DPP3: variants seen among roughly 807,000 people sequenced by gnomAD.
DPP3 encodes DPP III.
A neutral mutation model predicts 89.8 loss-of-function variants in DPP3; 64 were observed. The observed-to-expected ratio is 0.71, with a 90% confidence interval of 0.58 to 0.88. The LOEUF is 0.88. Ranked by LOEUF, DPP3 falls within the 40% of genes least tolerant of loss-of-function variation. DPP3 has a pLI of 0.00. For synonymous variants in DPP3, 377 were observed against 404.3 expected (o/e 0.93, Z 0.81); for missense variants, 835 against 972.5 (o/e 0.86, Z 1.88).
chr11:66,504,619 A>G lies in DPP3; in HGVS notation c.1886A>G (p.Lys629Arg), dbSNP rs1855755493. 2 of 1,609,088 alleles carry G rather than the reference A, an allele frequency of 1.2e-6. No individual in the cohort carries two copies. The highest frequency in any genetic ancestry group is 1.3e-5 in the African/African-American group (1 of 74,768). ...ACTCCATCCTTCTCACAGGTGCTGA[A>G]GTCCACAGGGGATGTGGCCGGAGGG... Reference protein sequence around the residue: ...ERFLRRLQVLKSTGDVAGGRA... With the variant: ...ERFLRRLQVLRSTGDVAGGRA... Residue 629 changes from lysine to arginine, a missense_variant, in exon 17 of 18, where the codon AAG becomes AGG. Coordinates refer to ENST00000531863, the MANE Select transcript of DPP3 (RefSeq NM_130443.4).
Position 66,509,280 on chromosome 11 carries a change from CA to C in DPP3, c.*30del. The C allele has an allele frequency of 6.3e-7, 1 of 1,583,536 alleles. No individual in the cohort carries two copies. Among genetic ancestry groups the C allele is most frequent in the South Asian group, 1.1e-5 (1 of 88,140 alleles). ...AGATGTGTGGCCTTGCCCCCAATTC[CA>C]TCAGACCAAGGCTGCAAGTGGCCCT... is the stretch of plus-strand genomic sequence containing the variant. On this transcript the variant is annotated 3_prime_UTR_variant, in exon 18 of 18. Coordinates refer to ENST00000531863, the MANE Select transcript of DPP3 (RefSeq NM_130443.4).
chr11:66,482,443 T>C lies in DPP3; in HGVS notation c.243T>C (p.Ala81=). Residue 81 remains alanine, a synonymous_variant, in exon 2 of 18, where the codon GCT becomes GCC. Coordinates refer to ENST00000531863, the MANE Select transcript of DPP3 (RefSeq NM_130443.4). ...ACCAGCTGCGCCAACATGCCCTGGC[T>C]GAAGGCCTTACCGAGGAGGAGTATC... ...DPDQLRQHAL[A]EGLTEEEYQA... 6.2e-7 allele frequency: 1 copy of C among 1,607,626 alleles called. No individual in the cohort carries two copies. Among genetic ancestry groups the C allele is most frequent in the Non-Finnish European group, 8.5e-7 (1 of 1,179,978 alleles).
At chr11:66,493,833 C>A (rs1447184804) in intron 12 of DPP3, among the ~76,000 whole-genome samples, 200 bp downstream of exon 12, 1 of 152,148 alleles carries the variant, frequency 6.6e-6, no homozygotes, top group East Asian at 1.9e-4. Flanking sequence ...GGATGTAGAG[C>A]CTGGGTGTAC....
At chr11:66,503,390 C>G (rs1190456888) in intron 16 of DPP3, among the ~76,000 whole-genome samples, 2 of 152,222 alleles carry the variant, frequency 1.3e-5, no homozygotes, top group African/African-American at 4.8e-5. Context: ...AATCACTGAT[C>G]TGTGTTTCTC....
chr11:66,482,141 A>T, intron 1 of DPP3, 52 bp from the exon 2 acceptor site: 1 of 1,597,618 alleles, frequency 6.3e-7, no homozygotes, highest in Non-Finnish European at 8.6e-7. Context: ...AGAGCCAGGT[A>T]TGCAATTGGT....
chr11:66,486,793 A>G, intron 4 of DPP3, 116 bp downstream of exon 4: 1 of 1,284,672 alleles, frequency 7.8e-7, no homozygotes, highest in South Asian at 1.9e-5. Context: ...CACACTCCTG[A>G]GGCAATGCTG....
intron 15 of DPP3, 64 bp downstream of exon 15, chr11:66,495,814 T>C (rs1855523045): frequency 1.9e-6 from 3 of 1,551,348 alleles, no homozygotes. Flanking sequence ...AAGATCAGGG[T>C]GCAAGGATGG....
intron 6 of DPP3, among the ~76,000 whole-genome samples, 168 bp downstream of exon 6, chr11:66,488,175 T>C (rs1855286275): frequency 6.6e-6 from 1 of 152,186 alleles, no homozygotes; most frequent in South Asian, 2.1e-4. Flanking sequence ...CAGTCCCCTA[T>C]TTGTCTGTGA....
chr11:66,497,882 C>A (rs1398042459), intron 16 of DPP3, among the ~76,000 whole-genome samples: 2 of 149,664 alleles, frequency 1.3e-5, no homozygotes, highest in Non-Finnish European at 3.0e-5. Context: ...CAGAGTGAGA[C>A]CCTATCTCTA....
At chr11:66,487,452 A>G in intron 5 of DPP3, 110 bp downstream of exon 5, 1 of 1,164,352 alleles carries the variant, frequency 8.6e-7, no homozygotes, top group Admixed American at 2.0e-5. Flanking sequence ...CTCCCTGTGT[A>G]CTAGGGAAGG....
At chr11:66,488,639 G>A (rs1855299697) in intron 6 of DPP3, among the ~76,000 whole-genome samples, 1 of 152,070 alleles carries the variant, frequency 6.6e-6, no homozygotes, top group African/African-American at 2.4e-5. Context: ...TGGGGCCTGG[G>A]GTGGTATTCT....
intron 5 of DPP3, 51 bp from the exon 6 acceptor site, chr11:66,487,863 C>G (rs1036642870): frequency 4.4e-5 from 69 of 1,566,276 alleles, no homozygotes; most frequent in Middle Eastern, 1.7e-4. Flanking sequence ...TCCTCCCACC[C>G]CACTGCCCTC....
intron 5 of DPP3, 51 bp downstream of exon 5, chr11:66,487,393 T>A: frequency 6.3e-7 from 1 of 1,578,918 alleles, no homozygotes; most frequent in Non-Finnish European, 8.7e-7. Flanking sequence ...GGGTTCCTAG[T>A]CCCAGCCCCC....
chr11:66,484,709 C>T lies in DPP3; in HGVS notation c.271-464C>T, dbSNP rs576285906. On this transcript the variant is annotated intron_variant, in intron 2 of 17. Transcript: ENST00000531863. The stretch of plus-strand genomic sequence containing the variant: ...CAAAAGGAGGATTGAGGTCTTGTTA[C>T]CAGAGGAAGATCTGGGGCCAGCAGA... 4.2e-4 allele frequency among the ~76,000 whole-genome samples: 49 copies of T among 117,266 alleles called. 1 individual carries two copies. The South Asian group carries it at 0.014, about 33-fold the overall frequency. The allele number at this position is 117,266 out of a possible 152,430, so 76.9% of individuals were successfully genotyped here.
chr11:66,491,516 A>C lies in DPP3; in HGVS notation c.821A>C (p.Gln274Pro). Residue 274 changes from glutamine to proline, a missense_variant, in exon 8 of 18, where the codon CAG (glutamine) becomes CCG (proline). Physicochemically the swap from Gln to Pro is moderately conservative, Grantham distance 76. Coordinates refer to ENST00000531863, the MANE Select transcript of DPP3 (RefSeq NM_130443.4). ...CAGGCCTATGCAGCCAACAGCCACCAGGGGCAGATGCTGGCCCAGTATATA... is the reference window on the plus strand; with the variant it reads ...CAGGCCTATGCAGCCAACAGCCACCCGGGGCAGATGCTGGCCCAGTATATA... ...KAKAYAANSH[Q>P]GQMLAQYIES... The C allele has an allele frequency of 6.2e-7, 1 of 1,610,742 alleles. No individual in the cohort carries two copies. The highest frequency in any genetic ancestry group is 8.5e-7 in the Non-Finnish European group (1 of 1,178,004).
At position 66,497,310 on chromosome 11, in the gene DPP3, G is replaced by T. The variant is rs202040748; in HGVS notation, c.1711G>T (p.Ala571Ser). The T allele has an allele frequency of 8.4e-5, 135 of 1,613,624 alleles. 1 individual carries two copies. The South Asian group carries it at 1.3e-3, about 15-fold the overall frequency. The stretch of plus-strand genomic sequence containing the variant: ...CCTGCTCCGGCAGGCCCATATGCAG[G>T]CCCGGTTTGTGATCCTGAGAGTCTT... ...AFNWRQAHMQ[A>S]RFVILRVLLE... Residue 571 changes from alanine to serine, a missense_variant, in exon 16 of 18, where the codon GCC becomes TCC. Coordinates refer to ENST00000531863, the MANE Select transcript of DPP3 (RefSeq NM_130443.4).
intron 3 of DPP3, 29 bp from the exon 4 acceptor site, chr11:66,486,511 C>T: frequency 6.8e-7 from 1 of 1,478,322 alleles, no homozygotes; most frequent in East Asian, 2.6e-5. Context: ...GGTGGTGTGA[C>T]TGGGCCATTG....
chr11:66,496,476 A>G (rs1401760706), intron 15 of DPP3, among the ~76,000 whole-genome samples: 5 of 150,044 alleles, frequency 3.3e-5, no homozygotes, highest in Non-Finnish European at 5.9e-5. Context: ...GTGCAGTGGC[A>G]CCATCTTGGC....
Position 66,508,199 on chromosome 11 carries a change from G to A in DPP3, c.2042-880G>A, listed in dbSNP as rs77330894. On this transcript the variant is annotated intron_variant, in intron 17 of 17. Transcript: ENST00000531863. ...GGAACACGACAAGGTGCACAGAGAG[G>A]GTAGAGCAGTTGAAGTGTGTTTGAG... 8.9e-3 allele frequency among the ~76,000 whole-genome samples: 1,349 copies of A among 152,336 alleles called. 21 individuals carry two copies. Among genetic ancestry groups the A allele is most frequent in the African/African-American group, 0.03 (1,255 of 41,576 alleles).
Sources: gnomAD v4.1 joint callset for allele counts (sites outside exome capture counted in the v4.1 genomes callset) on GRCh38, gnomAD v4.1.1 for gene constraint, MANE v1.5 for transcripts, NCBI Gene and HGNC (gene_info 2026-07-23, HGNC 2026-07-21) for gene names.